Variants in DNAH5 observed in about 807,000 individuals in gnomAD.
DNAH5 encodes dynein axonemal heavy chain 5.
In DNAH5, 372 loss-of-function variants were observed where a neutral mutation model predicts 518.2. That is an observed-to-expected ratio of 0.72 (90% CI 0.66 to 0.78). The LOEUF is 0.78. Among genes scored for constraint, DNAH5 ranks in the 30% least tolerant of loss-of-function variants. DNAH5 has a pLI of 0.00. For missense variants in DNAH5, 5,523 were observed against 5,687.0 expected (o/e 0.97, Z 0.93); for synonymous variants, 2,039 against 2,025.9 (o/e 1.01, Z -0.17).
At chr5:13,972,898 C>A (rs887192692) in intron 1 of DNAH5, among the ~76,000 whole-genome samples, 1 of 152,108 alleles carries the variant, frequency 6.6e-6, no homozygotes, top group Admixed American at 6.5e-5. Context: ...TTTTGCCCCC[C>A]AAAAAATGCC....
intron 65 of DNAH5, 37 bp from the exon 66 acceptor site, chr5:13,737,532 A>G: frequency 6.2e-7 from 1 of 1,605,032 alleles, no homozygotes; most frequent in East Asian, 2.2e-5. Flanking sequence ...TACCTCAATT[A>G]ACAACTCTTG....
chr5:13,930,450 T>A (rs996632703), intron 2 of DNAH5, among the ~76,000 whole-genome samples: 1 of 152,070 alleles, frequency 6.6e-6, no homozygotes, highest in Admixed American at 6.5e-5. Flanking sequence ...TGTGGCACCC[T>A]GTCAGCAAAA....
Position 13,718,989 on chromosome 5 carries a change from G to A in DNAH5, c.12392C>T (p.Thr4131Ile). 6.2e-7 allele frequency: 1 copy of A among 1,613,974 alleles called. No homozygotes were observed. The highest frequency in any genetic ancestry group is 8.5e-7 in the Non-Finnish European group (1 of 1,179,882). Residue 4131 changes from threonine to isoleucine, a missense_variant, in exon 72 of 79, where the codon ACC (threonine) becomes ATC (isoleucine). Physicochemically the swap from Thr to Ile is moderately conservative, Grantham distance 89. This residue lies in a region of DNAH5 where 5,121 missense variants were observed against 5,223.3 expected (regional missense o/e 0.98). Transcript: ENST00000265104. ...GGGAAACTGCTTATGAGCCTCGGTG[G>A]TCATCCAGAGGCGGAACGCATCATG... ...LVHDAFRLWM[T>I]TEAHKQFPIT...
At chr5:13,824,469 G>T in intron 38 of DNAH5, 136 bp from the exon 39 acceptor site, 1 of 812,660 alleles carries the variant, frequency 1.2e-6, no homozygotes. Context: ...CACACAATGG[G>T]GTAAAATATT....
intron 65 of DNAH5, among the ~76,000 whole-genome samples, chr5:13,746,757 A>T (rs1179467343): frequency 3.3e-5 from 5 of 152,112 alleles, no homozygotes; most frequent in African/African-American, 9.7e-5. Context: ...TTAAGCAAAC[A>T]GGCTTGATCC....
At chr5:13,915,528 G>A (rs979643401) in intron 9 of DNAH5, among the ~76,000 whole-genome samples, 6 of 151,994 alleles carry the variant, frequency 3.9e-5, no homozygotes, top group African/African-American at 7.2e-5. Flanking sequence ...TAATTTTAAC[G>A]TATAAGGAAG....
intron 47 of DNAH5, among the ~76,000 whole-genome samples, chr5:13,803,826 A>G (rs1580331111): frequency 1.3e-5 from 2 of 152,180 alleles, no homozygotes; most frequent in East Asian, 3.8e-4. Flanking sequence ...TATTTTATAG[A>G]TTAATCTACT....
chr5:13,841,596 T>C, intron 33 of DNAH5, 96 bp downstream of exon 33: 1 of 979,762 alleles, frequency 1.0e-6, no homozygotes, highest in Non-Finnish European at 1.6e-6. Context: ...TGGTCTAGAG[T>C]TAAATTATAG....
intron 68 of DNAH5, among the ~76,000 whole-genome samples, chr5:13,730,892 G>T (rs1036851986): frequency 1.3e-5 from 2 of 151,934 alleles, no homozygotes; most frequent in East Asian, 1.9e-4. Context: ...TAGAGGCGGG[G>T]TTTCTCCACG....
chr5:13,923,090 G>A (rs1777482943), intron 4 of DNAH5, among the ~76,000 whole-genome samples, 190 bp downstream of exon 4: 1 of 152,144 alleles, frequency 6.6e-6, no homozygotes, highest in East Asian at 1.9e-4. Flanking sequence ...TGAATATTAA[G>A]TCCTCTTACT....
At chr5:13,967,436 T>C (rs1478238628) in intron 1 of DNAH5, among the ~76,000 whole-genome samples, 2 of 152,158 alleles carry the variant, frequency 1.3e-5, no homozygotes, top group South Asian at 2.1e-4. Flanking sequence ...AATAGGGTGC[T>C]CTTCCCTGCT....
intron 31 of DNAH5, among the ~76,000 whole-genome samples, chr5:13,846,426 T>C (rs1418640806): frequency 6.6e-6 from 1 of 152,140 alleles, no homozygotes; most frequent in Non-Finnish European, 1.5e-5. Flanking sequence ...AAGTCTTTAC[T>C]AGAGGATTAC....
chr5:13,922,171 A>G lies in DNAH5; in HGVS notation c.596T>C (p.Phe199Ser), dbSNP rs1432167278. The change falls in exon 5 of 79, where the codon TTC becomes TCC. Residue 199 changes from phenylalanine to serine, a missense_variant. By Grantham distance (155) the Phe-to-Ser change is radical (BLOSUM62 -2). This residue lies in a region of DNAH5 where 5,121 missense variants were observed against 5,223.3 expected (regional missense o/e 0.98). Transcript: ENST00000265104. ...LQDAANIRQEFLSSLEGFVNV... is the reference protein window; with the variant it reads ...LQDAANIRQESLSSLEGFVNV... ...CACAAAGCCTTCCAGGGAGCTCAAG[A>G]ACTCCTGGCGAATGTTAGCTGCGTC... is the stretch of plus-strand genomic sequence containing the variant. 1 of 1,613,948 alleles carries G rather than the reference A, an allele frequency of 6.2e-7. No homozygotes were observed. The highest frequency in any genetic ancestry group is 1.3e-5 in the African/African-American group (1 of 74,904).
intron 35 of DNAH5, among the ~76,000 whole-genome samples, chr5:13,832,368 T>C (rs1473788321): frequency 6.6e-6 from 1 of 152,198 alleles, no homozygotes; most frequent in Non-Finnish European, 1.5e-5. Flanking sequence ...CTGGCTCAGC[T>C]AGGTGGGGCT....
chr5:13,864,870 A>C (rs909145883), intron 27 of DNAH5, among the ~76,000 whole-genome samples: 2 of 152,158 alleles, frequency 1.3e-5, no homozygotes, highest in African/African-American at 4.8e-5. Flanking sequence ...ACTATTACCT[A>C]GTTAGAGGCA....
intron 78 of DNAH5, among the ~76,000 whole-genome samples, chr5:13,697,318 A>G (rs895261423): frequency 3.9e-5 from 6 of 152,222 alleles, no homozygotes; most frequent in Non-Finnish European, 8.8e-5. Context: ...GCCCAGGTAG[A>G]CACATTTATC....
At chr5:13,856,635 G>A (rs945169143) in intron 30 of DNAH5, among the ~76,000 whole-genome samples, 8 of 152,040 alleles carry the variant, frequency 5.3e-5, no homozygotes, top group South Asian at 2.1e-4. Context: ...CAAGCAAACC[G>A]AATCAAACAG....
intron 65 of DNAH5, among the ~76,000 whole-genome samples, chr5:13,739,079 C>T (rs376960550): frequency 5.8e-4 from 88 of 152,216 alleles, no homozygotes; most frequent in African/African-American, 2.1e-3. Context: ...TCTGACTGGA[C>T]TCACGGCAGC....
intron 1 of DNAH5, among the ~76,000 whole-genome samples, chr5:13,972,313 T>C (rs376008022): frequency 3.3e-5 from 5 of 152,188 alleles, no homozygotes; most frequent in African/African-American, 9.7e-5. Flanking sequence ...TCTATGCTCA[T>C]AGCTACACTC....
Sources: allele counts gnomAD v4.1 joint callset (sites outside exome capture counted in the v4.1 genomes callset), GRCh38; gene constraint gnomAD v4.1.1; regional missense constraint gnomAD v4.1.1; transcripts MANE v1.5; gene names NCBI Gene and HGNC (gene_info 2026-07-23, HGNC 2026-07-21).